The following IGSF9B variants were observed in gnomAD, a reference collection of about 807,000 sequenced individuals.
IGSF9B encodes immunoglobulin superfamily member 9B.
Under a neutral mutation model 143.7 loss-of-function variants are expected in IGSF9B, and 48 were observed. The observed-to-expected ratio is 0.33, with a 90% CI of 0.26 to 0.42. IGSF9B has a LOEUF of 0.42. IGSF9B is among the 20% of genes least tolerant of loss of function. The probability of loss-of-function intolerance (pLI) is 1.00; values close to 1 mark genes in which losing one functional copy is unlikely to be tolerated. For synonymous variants in IGSF9B, 903 were observed against 833.1 expected (o/e 1.08, Z -1.44); for missense variants, 1,706 against 1,980.0 (o/e 0.86, Z 2.63).
At chr11:133,926,722 A>G (rs1455013795) in intron 13 of IGSF9B, among the ~76,000 whole-genome samples, 194 bp downstream of exon 13, 3 of 152,228 alleles carry the variant, frequency 2.0e-5, no homozygotes, top group Admixed American at 6.5e-5. Context: ...AATTCGGCCA[A>G]TGGCACTCTG....
chr11:133,919,479 GGTGCGCCCGCCGA>G (rs1939465244), intron 18 of IGSF9B, among the ~76,000 whole-genome samples: 1 of 152,028 alleles, frequency 6.6e-6, no homozygotes, highest in Non-Finnish European at 1.5e-5. Context: ...CCTGGTAGGT[GGTGCGCCCGCCGA>G]GAGCTCAGGG....
rs780933753 is a variant in IGSF9B, at chr11:133,924,807, C to T, written c.2119+13G>A. ...GTCCCTATAGTTGCAAGAGCACCCT[C>T]AACCCAAAATACCTGTGCTGGAGAC... On this transcript the variant is annotated intron_variant, in intron 15 of 19. Coordinates refer to ENST00000533871, the MANE Select transcript of IGSF9B (RefSeq NM_001277285.4). 1 of 1,612,284 alleles carries T rather than the reference C, an allele frequency of 6.2e-7. No individual in the cohort carries two copies. Among genetic ancestry groups the T allele is most frequent in the South Asian group, 1.1e-5 (1 of 91,040 alleles).
rs1939235623 is a variant in IGSF9B at position 133,907,958 on chromosome 11, T to A, written c.*1111A>T. The stretch of plus-strand genomic sequence containing the variant: ...CTCCGCACAAGTGGTAATTAATCAA[T>A]CTGGAGAATTAGCTCCCACAAAAGC... On this transcript the variant is annotated 3_prime_UTR_variant, in exon 20 of 20. Transcript: ENST00000533871. Among the ~76,000 whole-genome samples the A allele has an allele frequency of 6.6e-6, 1 of 152,166 alleles. No homozygotes were observed.
Position 133,952,595 on chromosome 11 carries a change from TGTATGTGC to T in IGSF9B, c.64+4088_64+4095del, listed in dbSNP as rs60000763. Among the ~76,000 whole-genome samples the T allele has an allele frequency of 2.8e-4, 42 of 152,270 alleles. No individual in the cohort carries two copies. In the South Asian group the frequency reaches 3.7e-3, roughly 14 times the overall value. Reference sequence around the variant, plus strand: ...GGCAGGCACACATACAGATTTCACATGTATGTGCACACAGGCATACATGCATGTGCATG... The same window carrying T: ...GGCAGGCACACATACAGATTTCACATACACAGGCATACATGCATGTGCATG... On this transcript the variant is annotated intron_variant, in intron 1 of 19. Coordinates refer to ENST00000533871, the MANE Select transcript of IGSF9B (RefSeq NM_001277285.4).
At chr11:133,919,117 A>AG (rs1288546843) in intron 18 of IGSF9B, 3 of 14,232 alleles carry the variant, frequency 2.1e-4, no homozygotes, top group South Asian at 3.5e-4. Flanking sequence ...TGCGAGGTAT[A>AG]CGGGGGGGGG....
In IGSF9B at chr11:133,898,460, T is replaced by C. The variant is rs1242575608; in HGVS notation, c.*10609A>G. 6.5e-6 allele frequency: 1 copy of C among 154,298 alleles called. No homozygotes were observed. The highest frequency in any genetic ancestry group is 2.4e-5 in the African/African-American group (1 of 41,504). The allele number at this position is 154,298 out of a possible 1,614,324, so 9.6% of individuals were successfully genotyped here. The stretch of plus-strand genomic sequence containing the variant: ...CCAGGTGTGCGATGGGAGAATTCTA[T>C]CCTGCATGATCAAAGTCCCTCCTGG... On this transcript the variant is annotated 3_prime_UTR_variant, in exon 20 of 20. Transcript: ENST00000533871.
intron 1 of IGSF9B, 26 bp from the exon 2 acceptor site, chr11:133,946,284 CAGAA>C: frequency 6.2e-7 from 1 of 1,603,114 alleles, no homozygotes; most frequent in Non-Finnish European, 8.5e-7. Flanking sequence ...AGGTTGGACA[CAGAA>C]AGGAGGTGAC....
rs560174496 is a variant in IGSF9B at position 133,931,360 on chromosome 11, G to A, written c.1368+93C>T. The A allele has an allele frequency of 8.9e-5, 84 of 938,986 alleles. No individual in the cohort carries two copies. Among genetic ancestry groups the A allele is most frequent in the African/African-American group, 3.2e-4 (19 of 59,482 alleles). 58.2% of individuals were successfully genotyped at this position (938,986 alleles called of 1,614,324 possible). Reference sequence around the variant, plus strand: ...GGCCCTCACACCTCCCCTCAGCCCCGGGGCTCGCTGGGCCCTCAAACCTCC... The same window carrying A: ...GGCCCTCACACCTCCCCTCAGCCCCAGGGCTCGCTGGGCCCTCAAACCTCC... On this transcript the variant is annotated intron_variant, in intron 10 of 19. Coordinates refer to ENST00000533871, the MANE Select transcript of IGSF9B (RefSeq NM_001277285.4). The surrounding 1 kb of genome is among the most constrained non-coding windows in gnomAD (Gnocchi z 7.7).
rs1194573551 is a variant in IGSF9B, at chr11:133,901,067, GAAGTTCAAGTC to G, written c.*7991_*8001del. 1 of 152,248 alleles carries G rather than the reference GAAGTTCAAGTC, an allele frequency of 6.6e-6. No individual in the cohort carries two copies. The highest frequency in any genetic ancestry group is 1.5e-5 in the Non-Finnish European group (1 of 68,060). The allele number at this position is 152,248 out of a possible 1,614,324, so 9.4% of individuals were successfully genotyped here. On this transcript the variant is annotated 3_prime_UTR_variant, in exon 20 of 20. Coordinates refer to ENST00000533871, the MANE Select transcript of IGSF9B (RefSeq NM_001277285.4). ...TTGCCCTGTTAAGCCCCTCTGCAAA[GAAGTTCAAGTC>G]AACATCCCTCCCAAGTGGCAAGAGA... is the stretch of plus-strand genomic sequence containing the variant.
chr11:133,930,013 T>A (rs1459750527), intron 11 of IGSF9B, among the ~76,000 whole-genome samples: 2 of 152,144 alleles, frequency 1.3e-5, no homozygotes, highest in Non-Finnish European at 2.9e-5. Context: ...CTAGTCCAAC[T>A]AGGAGATCAC....
Position 133,956,798 on chromosome 11 carries a change from C to A in IGSF9B, c.-44G>T. 7.8e-7 allele frequency: 1 copy of A among 1,282,854 alleles called. No individual in the cohort carries two copies. Among genetic ancestry groups the A allele is most frequent in the Non-Finnish European group, 1.0e-6 (1 of 967,020 alleles). 79.5% of individuals were successfully genotyped at this position (1,282,854 alleles called of 1,614,324 possible). A position where few individuals can be genotyped will look rare whatever the true frequency, so the allele number is the denominator to read the frequency against. On this transcript the variant is annotated 5_prime_UTR_variant, in exon 1 of 20. Coordinates refer to ENST00000533871, the MANE Select transcript of IGSF9B (RefSeq NM_001277285.4). ...CGGAGCCTCATCCTATCGCAAAGTG[C>A]TCCCGCGCCCGCACGCGCCTCGCGC...
intron 13 of IGSF9B, among the ~76,000 whole-genome samples, chr11:133,926,389 G>A (rs1469065700): frequency 6.6e-6 from 1 of 152,204 alleles, no homozygotes; most frequent in African/African-American, 2.4e-5. Flanking sequence ...AGCGGATTCT[G>A]GGAAAGGGGC....
At chr11:133,942,830 T>G (rs903972169) in intron 3 of IGSF9B, among the ~76,000 whole-genome samples, 2 of 152,186 alleles carry the variant, frequency 1.3e-5, no homozygotes, top group African/African-American at 4.8e-5. Context: ...ATTTCAAATA[T>G]GCTTCAATCA....
Position 133,909,142 on chromosome 11 carries a change from T to C in IGSF9B, c.4241A>G (p.Gln1414Arg), listed in dbSNP as rs1462728803. The change falls in exon 20 of 20, where the codon CAG becomes CGG. Residue 1414 changes from glutamine (Q) to arginine (R), a missense_variant. By Grantham distance (43) the Gln-to-Arg change is conservative. Coordinates refer to ENST00000533871, the MANE Select transcript of IGSF9B (RefSeq NM_001277285.4). This position sits in a 1 kb window ranked among gnomAD's most constrained non-coding sequence, Gnocchi z 4.2. ...FARLSDLCHR[Q>R]LPEDQTAILN... ...AATCGCTGTCTGGTCTTCCGGAAGCTGGCGGTGGCACAAGTCTGAGAGCCG... is the reference window on the plus strand; with the variant it reads ...AATCGCTGTCTGGTCTTCCGGAAGCCGGCGGTGGCACAAGTCTGAGAGCCG... The C allele has an allele frequency of 1.3e-6, 2 of 1,535,878 alleles. No individual in the cohort carries two copies. The highest frequency in any genetic ancestry group is 1.4e-5 in the African/African-American group (1 of 73,146).
chr11:133,944,015 GCACTGCCTGC>G (rs1223463375), intron 3 of IGSF9B, among the ~76,000 whole-genome samples, 195 bp downstream of exon 3: 2 of 152,260 alleles, frequency 1.3e-5, no homozygotes, highest in African/African-American at 4.8e-5. Flanking sequence ...CTGGGCACCT[GCACTGCCTGC>G]ACAGGCTTCG....
chr11:133,942,047 A>G (rs1363118497), intron 3 of IGSF9B, among the ~76,000 whole-genome samples: 8 of 152,088 alleles, frequency 5.3e-5, no homozygotes, highest in Admixed American at 5.2e-4. Context: ...GATGTCCAAA[A>G]CTATGTTTCG....
At position 133,902,564 on chromosome 11, in the gene IGSF9B, CA is replaced by C. The variant is rs1471505191; in HGVS notation, c.*6504del. 7.2e-3 allele frequency among the ~76,000 whole-genome samples: 856 copies of C among 119,606 alleles called. 4 individuals are homozygous for C. The highest frequency in any genetic ancestry group is 0.012 in the Non-Finnish European group (621 of 52,512). The allele number at this position is 119,606 out of a possible 152,430, so 78.5% of individuals were successfully genotyped here. A position where few individuals can be genotyped will look rare whatever the true frequency, so the allele number is the denominator to read the frequency against. ...ACCACACACACCACATACACACACA[CA>C]CCCCACACACACACACACACACCCC... is the stretch of plus-strand genomic sequence containing the variant. On this transcript the variant is annotated 3_prime_UTR_variant, in exon 20 of 20. Coordinates refer to ENST00000533871, the MANE Select transcript of IGSF9B (RefSeq NM_001277285.4).
Position 133,948,421 on chromosome 11 carries a change from C to A in IGSF9B, c.65-2163G>T, listed in dbSNP as rs78490253. Among the ~76,000 whole-genome samples the A allele has an allele frequency of 6.6e-6, 1 of 152,200 alleles. No homozygotes were observed. The highest frequency in any genetic ancestry group is 2.4e-5 in the African/African-American group (1 of 41,454). On this transcript the variant is annotated intron_variant, in intron 1 of 19. Transcript: ENST00000533871. The surrounding 1 kb of genome is among the most constrained non-coding windows in gnomAD (Gnocchi z 4.7). ...CATGCTTCCCAATTTCCCCCACCCC[C>A]AACCTTGCTTCAGGCTAAGTTTGCA...
rs1565409975 is a variant in IGSF9B at position 133,902,481 on chromosome 11, A to AGATACACACACC, written c.*6587_*6588insGGTGTGTGTATC. Among the ~76,000 whole-genome samples, 2 of 65,470 alleles carry AGATACACACACC rather than the reference A, an allele frequency of 3.1e-5. No individual in the cohort carries two copies. The highest frequency in any genetic ancestry group is 8.3e-5 in the Non-Finnish European group (2 of 24,088). The allele number at this position is 65,470 out of a possible 152,430, so 43.0% of individuals were successfully genotyped here. A position where few individuals can be genotyped will look rare whatever the true frequency, so the allele number is the denominator to read the frequency against. ...ACACACAGATACACACACCACACAC[A>AGATACACACACC]ACACACACACACACCAGACATGCAC... On this transcript the variant is annotated 3_prime_UTR_variant, in exon 20 of 20. Coordinates refer to ENST00000533871, the MANE Select transcript of IGSF9B (RefSeq NM_001277285.4).
Sources: allele counts gnomAD v4.1 joint callset (sites outside exome capture counted in the v4.1 genomes callset), GRCh38; gene constraint gnomAD v4.1.1; non-coding constraint Gnocchi (gnomAD v3.1); transcripts MANE v1.5; gene names NCBI Gene and HGNC (gene_info 2026-07-23, HGNC 2026-07-21).